GRID2: variants seen among roughly 807,000 people sequenced by gnomAD.
GRID2 encodes the protein glutamate receptor ionotropic, delta-2.
Under a neutral mutation model 114.8 loss-of-function variants are expected in GRID2, and 33 were observed. The observed-to-expected ratio is 0.29, with a 90% confidence interval of 0.22 to 0.38. The LOEUF is 0.38. Ranked by LOEUF, GRID2 falls within the 10% of genes least tolerant of loss-of-function variation. The pLI is 1.00. For missense variants in GRID2, 1,184 were observed against 1,257.7 expected, an observed-to-expected ratio of 0.94 and a Z score of 0.89; for synonymous variants, 505 against 449.9, an observed-to-expected ratio of 1.12 and a Z score of -1.55.
At chr4:93,796,470 T>C (rs1221805071) in intron 1 of GRID2, among the ~76,000 whole-genome samples, 1 of 152,158 alleles carries the variant, frequency 6.6e-6, no homozygotes, top group African/African-American at 2.4e-5. Context: ...AAGGAGTCTC[T>C]GGAGCAGTAA....
At chr4:92,446,269 T>C (rs111484445) in intron 1 of GRID2, among the ~76,000 whole-genome samples, 1 of 152,120 alleles carries the variant, frequency 6.6e-6, no homozygotes, top group African/African-American at 2.4e-5. Flanking sequence ...TGATTTAAAT[T>C]GTATGTTCTT....
At chr4:92,305,074 A>G (rs1725305903) in intron 1 of GRID2, among the ~76,000 whole-genome samples, 1 of 151,816 alleles carries the variant, frequency 6.6e-6, no homozygotes, top group South Asian at 2.1e-4. Flanking sequence ...ATTGACTCTT[A>G]TCTTCCATAT....
chr4:93,563,482 G>C (rs1166435501), intron 13 of GRID2, among the ~76,000 whole-genome samples: 2 of 151,874 alleles, frequency 1.3e-5, no homozygotes, highest in Admixed American at 1.3e-4. Context: ...TATCTTTTCT[G>C]AATGTATCGT....
intron 8 of GRID2, among the ~76,000 whole-genome samples, chr4:93,318,268 TATA>T (rs1353616028): frequency 3.3e-5 from 5 of 151,518 alleles, no homozygotes; most frequent in African/African-American, 1.2e-4. Context: ...CCTGGAAAAA[TATA>T]ATAATAATGA....
chr4:92,968,258 CA>C (rs1316037976), intron 2 of GRID2, among the ~76,000 whole-genome samples: 3 of 151,822 alleles, frequency 2.0e-5, no homozygotes, highest in Non-Finnish European at 4.4e-5. Context: ...TACAGATTAA[CA>C]AACATAAGTT....
chr4:92,430,323 A>G (rs1037304472), intron 1 of GRID2, among the ~76,000 whole-genome samples: 2 of 152,098 alleles, frequency 1.3e-5, no homozygotes, highest in African/African-American at 4.8e-5. Flanking sequence ...CTGCATATGA[A>G]TATCTAGTTT....
intron 2 of GRID2, among the ~76,000 whole-genome samples, chr4:92,734,979 A>G (rs6813347): frequency 0.27 from 40,492 of 151,408 alleles, 5,973 homozygotes; most frequent in East Asian, 0.53. Context: ...GAGTTTTGCC[A>G]TGTTGCCCAG....
At chr4:93,591,097 A>T (rs1206660494) in intron 13 of GRID2, among the ~76,000 whole-genome samples, 1 of 145,056 alleles carries the variant, frequency 6.9e-6, no homozygotes, top group Non-Finnish European at 1.5e-5. Flanking sequence ...ACTATGTTGA[A>T]TAGGAGTGGT....
At chr4:92,950,782 A>T (rs188191579) in intron 2 of GRID2, among the ~76,000 whole-genome samples, 1 of 152,340 alleles carries the variant, frequency 6.6e-6, no homozygotes, top group Admixed American at 6.5e-5. Context: ...CATTTCGTGT[A>T]GTGTGTACTA....
intron 2 of GRID2, among the ~76,000 whole-genome samples, chr4:92,801,478 T>A (rs1740167833): frequency 6.6e-6 from 1 of 151,998 alleles, no homozygotes; most frequent in African/African-American, 2.4e-5. Flanking sequence ...CACTGCAGAG[T>A]GTACCTTTTC....
At chr4:92,677,842 C>T (rs1733454207) in intron 2 of GRID2, among the ~76,000 whole-genome samples, 1 of 152,036 alleles carries the variant, frequency 6.6e-6, no homozygotes, top group South Asian at 2.1e-4. Context: ...TATTTTCTTC[C>T]TTGGTGAAAG....
intron 12 of GRID2, among the ~76,000 whole-genome samples, chr4:93,508,720 G>T (rs1239210250): frequency 3.3e-5 from 5 of 152,154 alleles, no homozygotes; most frequent in Admixed American, 6.6e-5. Context: ...GGATTTCAAA[G>T]ATGAAGTTTT....
Position 92,982,822 on chromosome 4 carries a change from T to A in GRID2, c.245-102173T>A, listed in dbSNP as rs186724377. Among the ~76,000 whole-genome samples, 450 of 152,248 alleles carry A rather than the reference T, an allele frequency of 3.0e-3. 1 individual carries two copies. Among genetic ancestry groups the A allele is most frequent in the African/African-American group, 0.011 (439 of 41,548 alleles). ...CATGTATTAAAAGTTGCAGATTATT[T>A]TAAGAAATAATTTCTACTTTTTTAA... On this transcript the variant is annotated intron_variant, in intron 2 of 15. Coordinates refer to ENST00000282020, the MANE Select transcript of GRID2 (RefSeq NM_001510.4).
chr4:93,030,784 C>T (rs1054071404), intron 2 of GRID2, among the ~76,000 whole-genome samples: 1 of 150,524 alleles, frequency 6.6e-6, no homozygotes, highest in Non-Finnish European at 1.5e-5. Context: ...TAAACAGAAA[C>T]AAGGAGAGGG....
At chr4:93,062,023 G>T (rs1446061230) in intron 2 of GRID2, among the ~76,000 whole-genome samples, 1 of 152,128 alleles carries the variant, frequency 6.6e-6, no homozygotes, top group Non-Finnish European at 1.5e-5. Context: ...TAATACATTA[G>T]AATATTTATA....
chr4:93,612,066 G>A (rs1026007791), intron 13 of GRID2, among the ~76,000 whole-genome samples: 1 of 152,122 alleles, frequency 6.6e-6, no homozygotes, highest in Non-Finnish European at 1.5e-5. Context: ...TTACCATTAT[G>A]TAATGGCCTT....
At chr4:92,631,024 A>G (rs889203299) in intron 2 of GRID2, among the ~76,000 whole-genome samples, 3 of 151,720 alleles carry the variant, frequency 2.0e-5, no homozygotes, top group African/African-American at 4.8e-5. Flanking sequence ...GAAAAAAAAA[A>G]AGAAAAAAAC....
At chr4:93,415,079 A>C (rs1048612987) in intron 9 of GRID2, among the ~76,000 whole-genome samples, 2 of 152,104 alleles carry the variant, frequency 1.3e-5, no homozygotes, top group African/African-American at 4.8e-5. Flanking sequence ...ACTTCTTATA[A>C]TATTTTAACA....
chr4:93,722,455 C>T (rs1458545600), intron 14 of GRID2, among the ~76,000 whole-genome samples: 1 of 152,144 alleles, frequency 6.6e-6, no homozygotes, highest in Non-Finnish European at 1.5e-5. Context: ...GGCCTTATCA[C>T]TAATCAACAC....
Sources: allele counts gnomAD v4.1 joint callset (sites outside exome capture counted in the v4.1 genomes callset), GRCh38; gene constraint gnomAD v4.1.1; transcripts MANE v1.5; gene names NCBI Gene and HGNC (gene_info 2026-07-23, HGNC 2026-07-21).